The following CRPPA variants were observed in gnomAD, a reference collection of about 807,000 sequenced individuals.
CRPPA encodes CDP-L-ribitol pyrophosphorylase A, also known as D-ribitol-5-phosphate cytidylyltransferase.
In CRPPA, 43 loss-of-function variants were observed where a neutral mutation model predicts 52.0. The observed-to-expected ratio is 0.83, with a 90% CI of 0.65 to 1.07. The LOEUF (loss-of-function observed/expected upper bound fraction) is 1.07. CRPPA is among the 50% of genes least tolerant of loss of function. The pLI, the probability that CRPPA is intolerant of heterozygous loss-of-function variation, is 0.00. For missense variants in CRPPA, 629 were observed against 551.7 expected (o/e 1.14, Z -1.40); for synonymous variants, 250 against 203.5 (o/e 1.23, Z -1.94).
chr7:16,156,948 A>C (rs985873112), intron 9 of CRPPA, among the ~76,000 whole-genome samples: 3 of 152,208 alleles, frequency 2.0e-5, no homozygotes, highest in African/African-American at 7.2e-5. Context: ...AAGAGGTGAC[A>C]TCTTTTGCCT....
intron 5 of CRPPA, among the ~76,000 whole-genome samples, chr7:16,299,786 G>A (rs935794992): frequency 1.3e-5 from 2 of 152,100 alleles, no homozygotes; most frequent in Admixed American, 6.5e-5. Flanking sequence ...AGCCATTTCT[G>A]CAAACAATTT....
At chr7:16,350,129 A>G (rs1369716835) in intron 3 of CRPPA, among the ~76,000 whole-genome samples, 1 of 152,064 alleles carries the variant, frequency 6.6e-6, no homozygotes. Flanking sequence ...AAAAATGTCA[A>G]CCAAGAATAG....
chr7:16,297,005 G>A (rs1454056993), intron 5 of CRPPA, among the ~76,000 whole-genome samples: 1 of 152,170 alleles, frequency 6.6e-6, no homozygotes, highest in African/African-American at 2.4e-5. Context: ...AACCACTGAT[G>A]TACTCACCCA....
chr7:16,137,511 T>C (rs1181897975), intron 9 of CRPPA, among the ~76,000 whole-genome samples: 2 of 152,190 alleles, frequency 1.3e-5, no homozygotes, highest in African/African-American at 4.8e-5. Flanking sequence ...GTATTAACTT[T>C]TTTAAAAATG....
At chr7:16,303,476 GT>G (rs1347918937) in intron 4 of CRPPA, among the ~76,000 whole-genome samples, 1 of 6,388 alleles carries the variant, frequency 1.6e-4, no homozygotes. Flanking sequence ...ACATAAAATA[GT>G]AAAAAAAAAA....
chr7:16,184,927 A>G (rs574047463), intron 9 of CRPPA, among the ~76,000 whole-genome samples: 13 of 152,328 alleles, frequency 8.5e-5, no homozygotes, highest in Admixed American at 5.9e-4. Flanking sequence ...TTCCTATAGA[A>G]TCTTTTAAGT....
chr7:16,305,469 G>C (rs1784887969), intron 4 of CRPPA, among the ~76,000 whole-genome samples: 2 of 152,196 alleles, frequency 1.3e-5, no homozygotes, highest in African/African-American at 4.8e-5. Context: ...CATGTGGAAA[G>C]TGATGCTATG....
intron 9 of CRPPA, among the ~76,000 whole-genome samples, chr7:16,118,186 C>A (rs1328061757): frequency 6.6e-6 from 1 of 152,182 alleles, no homozygotes; most frequent in African/African-American, 2.4e-5. Context: ...TCTCTGAATC[C>A]AGCCAATTTT....
chr7:16,285,277 C>A (rs1423083337), intron 5 of CRPPA, among the ~76,000 whole-genome samples: 1 of 152,032 alleles, frequency 6.6e-6, no homozygotes, highest in Non-Finnish European at 1.5e-5. Context: ...TTTTGTCTCT[C>A]CCTGAAAATA....
chr7:16,177,741 C>G (rs1781331341), intron 9 of CRPPA, among the ~76,000 whole-genome samples: 1 of 152,074 alleles, frequency 6.6e-6, no homozygotes, highest in Non-Finnish European at 1.5e-5. Context: ...TTTTTCTTCA[C>G]AATTCCAGTT....
At chr7:16,330,351 T>C (rs144470276) in intron 3 of CRPPA, among the ~76,000 whole-genome samples, 374 of 152,250 alleles carry the variant, frequency 2.5e-3, no homozygotes, top group South Asian at 9.1e-3. Context: ...TATAAGAAAA[T>C]TGGAAGTCTC....
At chr7:16,144,743 G>T (rs765435834) in intron 9 of CRPPA, among the ~76,000 whole-genome samples, 1 of 152,052 alleles carries the variant, frequency 6.6e-6, no homozygotes, top group Non-Finnish European at 1.5e-5. Context: ...AAATGCGAGC[G>T]GGGCTGGCTG....
At position 16,286,093 on chromosome 7, in the gene CRPPA, A is replaced by ATATAT. The variant is rs1554309913; in HGVS notation, c.836-7868_836-7867insATATA. Among the ~76,000 whole-genome samples, 3 of 27,740 alleles carry ATATAT rather than the reference A, an allele frequency of 1.1e-4. 1 individual carries two copies. Among genetic ancestry groups the ATATAT allele is most frequent in the African/African-American group, 6.3e-4 (2 of 3,160 alleles). 18.2% of individuals were successfully genotyped at this position (27,740 alleles called of 152,430 possible). On this transcript the variant is annotated intron_variant, in intron 5 of 9. Transcript: ENST00000407010. ...TATATATATATATAATATTTAAAAA[A>ATATAT]AAAAATATATATATATATATATATG...
chr7:16,378,896 G>A (rs1213727508), intron 2 of CRPPA, among the ~76,000 whole-genome samples: 2 of 152,132 alleles, frequency 1.3e-5, no homozygotes, highest in African/African-American at 4.8e-5. Context: ...TTTTTTGGCT[G>A]CATAAACGTC....
intron 5 of CRPPA, among the ~76,000 whole-genome samples, chr7:16,288,391 A>C (rs1054339268): frequency 3.3e-5 from 5 of 152,126 alleles, no homozygotes; most frequent in Non-Finnish European, 7.3e-5. Context: ...TCTAAAAAAA[A>C]AATAAAACAA....
intron 6 of CRPPA, among the ~76,000 whole-genome samples, chr7:16,275,084 T>C (rs1173158119): frequency 6.6e-6 from 1 of 151,344 alleles, no homozygotes; most frequent in Non-Finnish European, 1.5e-5. Context: ...TAAAAAAAAA[T>C]AATATTAGTG....
intron 9 of CRPPA, among the ~76,000 whole-genome samples, chr7:16,167,905 G>GA (rs1444795720): frequency 1.3e-5 from 2 of 152,252 alleles, no homozygotes; most frequent in East Asian, 3.9e-4. Flanking sequence ...TAACATGCTA[G>GA]AAAAAACAGA....
chr7:16,371,956 A>T (rs879892702), intron 3 of CRPPA, among the ~76,000 whole-genome samples: 2 of 152,154 alleles, frequency 1.3e-5, no homozygotes, highest in African/African-American at 4.8e-5. Flanking sequence ...GACGCAGAAG[A>T]AAGAATTTCA....
At chr7:16,285,430 C>CT (rs1784403238) in intron 5 of CRPPA, among the ~76,000 whole-genome samples, 1 of 151,984 alleles carries the variant, frequency 6.6e-6, no homozygotes, top group Non-Finnish European at 1.5e-5. Context: ...AAAAAAATTC[C>CT]TAAAAGGCCA....
Sources: gnomAD v4.1 joint callset for allele counts (sites outside exome capture counted in the v4.1 genomes callset) on GRCh38, gnomAD v4.1.1 for gene constraint, MANE v1.5 for transcripts, NCBI Gene and HGNC (gene_info 2026-07-23, HGNC 2026-07-21) for gene names.